The following ERC2 variants were observed in gnomAD, a reference collection of about 807,000 sequenced individuals.
ERC2 encodes ELKS/RAB6-interacting/CAST family member 2.
A neutral mutation model predicts 114.8 loss-of-function variants in ERC2; 42 were observed. That is an observed-to-expected ratio of 0.37 (90% confidence interval 0.29 to 0.47). ERC2 has a LOEUF of 0.47. Among genes scored for constraint, ERC2 ranks in the 20% least tolerant of loss-of-function variants. The pLI, the probability that ERC2 is intolerant of heterozygous loss-of-function variation, is 0.99. For synonymous variants in ERC2, 454 were observed against 425.5 expected (o/e 1.07, Z -0.82); for missense variants, 939 against 1,150.7 (o/e 0.82, Z 2.66).
chr3:55,769,736 C>T (rs2068061870), intron 14 of ERC2, among the ~76,000 whole-genome samples: 1 of 152,060 alleles, frequency 6.6e-6, no homozygotes. Context: ...GGTATTCATC[C>T]ACAAGCCACA....
chr3:56,064,058 C>T (rs1467487300), intron 7 of ERC2, among the ~76,000 whole-genome samples: 1 of 152,204 alleles, frequency 6.6e-6, no homozygotes, highest in Non-Finnish European at 1.5e-5. Flanking sequence ...ATGCCGTGAA[C>T]AAGCCTGTAG....
chr3:55,843,814 A>G (rs1301623825), intron 14 of ERC2, among the ~76,000 whole-genome samples: 1 of 152,218 alleles, frequency 6.6e-6, no homozygotes, highest in Non-Finnish European at 1.5e-5. Flanking sequence ...ACACTGGATC[A>G]TATTAGCTCT....
chr3:55,855,181 A>G (rs1000317711), intron 14 of ERC2, among the ~76,000 whole-genome samples: 1 of 152,218 alleles, frequency 6.6e-6, no homozygotes, highest in Non-Finnish European at 1.5e-5. Flanking sequence ...ACCTGCAATG[A>G]CTAAAAGGCA....
chr3:56,422,829 T>C (rs1012942126), intron 2 of ERC2, among the ~76,000 whole-genome samples: 1 of 152,172 alleles, frequency 6.6e-6, no homozygotes, highest in Non-Finnish European at 1.5e-5. Context: ...AAAATAGAGA[T>C]GCCATGTGTC....
chr3:55,761,453 T>C (rs1351420555), intron 14 of ERC2, among the ~76,000 whole-genome samples: 1 of 152,200 alleles, frequency 6.6e-6, no homozygotes, highest in Admixed American at 6.5e-5. Context: ...CCATGTGTTA[T>C]CTGGCAACCC....
intron 1 of ERC2, among the ~76,000 whole-genome samples, chr3:56,453,945 C>G (rs900217909): frequency 3.9e-5 from 6 of 152,260 alleles, no homozygotes; most frequent in Non-Finnish European, 8.8e-5. Context: ...GAGCACAGCC[C>G]TAGGAAGAAT....
intron 17 of ERC2, among the ~76,000 whole-genome samples, chr3:55,599,469 A>G (rs1402481594): frequency 6.6e-6 from 1 of 152,234 alleles, no homozygotes; most frequent in African/African-American, 2.4e-5. Flanking sequence ...CAGAGAAATT[A>G]TCACACATGT....
At chr3:55,733,828 G>T (rs944032559) in intron 15 of ERC2, among the ~76,000 whole-genome samples, 55 of 152,164 alleles carry the variant, frequency 3.6e-4, no homozygotes, top group African/African-American at 1.3e-3. Context: ...ACTCCACATG[G>T]TTACTGTGTG....
intron 17 of ERC2, among the ~76,000 whole-genome samples, chr3:55,611,601 A>C (rs904424902): frequency 9.9e-5 from 15 of 152,162 alleles, no homozygotes; most frequent in African/African-American, 3.6e-4. Context: ...GAGCTGGGAC[A>C]TCACTGCTTC....
At chr3:56,399,056 G>A (rs2060423591) in intron 2 of ERC2, among the ~76,000 whole-genome samples, 1 of 152,190 alleles carries the variant, frequency 6.6e-6, no homozygotes, top group Non-Finnish European at 1.5e-5. Flanking sequence ...AATAAATGAG[G>A]TGGAGCCAAC....
intron 13 of ERC2, among the ~76,000 whole-genome samples, chr3:55,915,568 G>C (rs1424288461): frequency 6.6e-6 from 1 of 152,162 alleles, no homozygotes; most frequent in Non-Finnish European, 1.5e-5. Context: ...ATTCATGAAA[G>C]ACACATGACA....
intron 16 of ERC2, among the ~76,000 whole-genome samples, chr3:55,692,159 T>A (rs889983054): frequency 1.3e-5 from 2 of 152,164 alleles, no homozygotes; most frequent in African/African-American, 4.8e-5. Context: ...GCACATTGAC[T>A]AATCTGTTGG....
intron 15 of ERC2, among the ~76,000 whole-genome samples, chr3:55,705,388 A>C (rs1189399784): frequency 6.6e-6 from 1 of 152,122 alleles, no homozygotes; most frequent in African/African-American, 2.4e-5. Context: ...CAAATGTGAG[A>C]TATGCAAGTG....
intron 17 of ERC2, among the ~76,000 whole-genome samples, chr3:55,673,042 G>C (rs1002960271): frequency 6.6e-6 from 1 of 152,138 alleles, no homozygotes; most frequent in Admixed American, 6.5e-5. Context: ...AGATTTCCCT[G>C]TGTCCCAAGC....
intron 1 of ERC2, among the ~76,000 whole-genome samples, chr3:56,439,559 T>G (rs1231235156): frequency 1.3e-5 from 2 of 152,252 alleles, no homozygotes; most frequent in African/African-American, 4.8e-5. Flanking sequence ...CAATTATCAT[T>G]AAAACGTCCC....
chr3:56,231,620 G>A (rs2050623004), intron 3 of ERC2, among the ~76,000 whole-genome samples: 1 of 152,174 alleles, frequency 6.6e-6, no homozygotes, highest in South Asian at 2.1e-4. Flanking sequence ...TTGAACTTGA[G>A]ACAATTATAC....
At chr3:56,185,594 T>C (rs1292697579) in intron 3 of ERC2, among the ~76,000 whole-genome samples, 2 of 152,144 alleles carry the variant, frequency 1.3e-5, no homozygotes. Context: ...GATGAGAGCT[T>C]TGAAGATCTG....
chr3:56,458,522 C>T (rs1336342417), intron 1 of ERC2, among the ~76,000 whole-genome samples: 1 of 152,134 alleles, frequency 6.6e-6, no homozygotes, highest in African/African-American at 2.4e-5. Context: ...GTGAAGAATT[C>T]CCCTTGCGTG....
chr3:56,386,749 C>T (rs554199180), intron 2 of ERC2, among the ~76,000 whole-genome samples: 38 of 152,190 alleles, frequency 2.5e-4, no homozygotes, highest in African/African-American at 8.7e-4. Context: ...ACTACTGCTA[C>T]TGAAAATGAT....
Sources: allele counts gnomAD v4.1 joint callset (sites outside exome capture counted in the v4.1 genomes callset), GRCh38; gene constraint gnomAD v4.1.1; transcripts MANE v1.5; gene names NCBI Gene and HGNC (gene_info 2026-07-23, HGNC 2026-07-21).